The following PPP2R5C variants were observed in gnomAD, a reference collection of about 807,000 sequenced individuals.
PPP2R5C encodes the protein serine/threonine-protein phosphatase 2A 56 kDa regulatory subunit gamma isoform.
In PPP2R5C, 7 loss-of-function variants were observed where a neutral mutation model predicts 68.9. The observed-to-expected ratio is 0.10, with a 90% CI of 0.06 to 0.19. PPP2R5C has a LOEUF of 0.19. PPP2R5C is among the 10% of genes least tolerant of loss of function. The probability of loss-of-function intolerance (pLI) is 1.00; values close to 1 mark genes in which losing one functional copy is unlikely to be tolerated. For missense variants in PPP2R5C, 348 were observed against 641.3 expected (o/e 0.54, Z 4.94); for synonymous variants, 210 against 222.2 (o/e 0.95, Z 0.49).
At position 101,762,984 on chromosome 14, in the gene PPP2R5C, A is replaced by T. The variant is rs202136745; in HGVS notation, c.93+14A>T. On this transcript the variant is annotated intron_variant, in intron 2 of 14. Coordinates refer to the PPP2R5C transcript ENST00000328724. ...GTAGAATCAGAGGTAACTGTCATCA[A>T]ATATTGACTTTGTATTTTATACACA... 2 of 1,558,176 alleles carry T rather than the reference A, an allele frequency of 1.3e-6. No homozygotes were observed. Among genetic ancestry groups the T allele is most frequent in the South Asian group, 1.2e-5 (1 of 84,552 alleles).
intron 1 of PPP2R5C, among the ~76,000 whole-genome samples, chr14:101,815,960 A>G (rs924287237): frequency 9.9e-5 from 15 of 152,188 alleles, no homozygotes; most frequent in African/African-American, 2.2e-4. Flanking sequence ...ATGAGCCACC[A>G]CACCCGGCCT....
chr14:101,786,060 A>G (rs1430058162), exon 3 of PPP2R5C: 15 of 1,548,110 alleles, frequency 9.7e-6, no homozygotes, highest in Non-Finnish European at 1.3e-5. Context: ...TGTCCCGTCT[A>G]CAGTATCTGC....
At chr14:101,920,313 C>T (rs2046940534) in intron 13 of PPP2R5C, among the ~76,000 whole-genome samples, 1 of 152,216 alleles carries the variant, frequency 6.6e-6, no homozygotes, top group Non-Finnish European at 1.5e-5. Flanking sequence ...CACGTCCCCT[C>T]CTGGGAGGGT....
At chr14:101,925,248 G>C (rs555389415) in exon 14 of PPP2R5C, 9 of 1,613,468 alleles carry the variant, frequency 5.6e-6, no homozygotes, top group Admixed American at 3.3e-5. Context: ...GGGCCGATGA[G>C]CTGGCCTCCC....
chr14:101,816,339 G>A (rs893701853), intron 1 of PPP2R5C, among the ~76,000 whole-genome samples: 6 of 152,144 alleles, frequency 3.9e-5, no homozygotes, highest in South Asian at 2.1e-4. Flanking sequence ...TTGGAAAGAC[G>A]CTGGCTAAAA....
chr14:101,925,208 A>G, exon 14 of PPP2R5C: 10 of 1,613,954 alleles, frequency 6.2e-6, no homozygotes, highest in Non-Finnish European at 8.5e-6. Context: ...CAGGACCCCC[A>G]CACCAAGAAA....
In PPP2R5C at chr14:101,777,432, C is replaced by T. The variant is rs150827195; in HGVS notation, c.94-8586C>T. Among the ~76,000 whole-genome samples, 956 of 152,168 alleles carry T rather than the reference C, an allele frequency of 6.3e-3. 23 individuals carry two copies. Among genetic ancestry groups the T allele is most frequent in the Admixed American group, 0.05 (763 of 15,286 alleles). Reference sequence around the variant, plus strand: ...TGGCGCCATCTCAGCTCACTGCAACCTCTAACTCCTGGGTTCAAGCGATTC... The same window carrying T: ...TGGCGCCATCTCAGCTCACTGCAACTTCTAACTCCTGGGTTCAAGCGATTC... On this transcript the variant is annotated intron_variant, in intron 2 of 14. Transcript: ENST00000328724.
chr14:101,863,758 C>T (rs542572830), intron 2 of PPP2R5C, among the ~76,000 whole-genome samples: 2 of 152,018 alleles, frequency 1.3e-5, no homozygotes, highest in Admixed American at 6.5e-5. Flanking sequence ...ATTAGCTGGG[C>T]GTGGTGGCAG....
In PPP2R5C at chr14:101,915,641, G is replaced by A. The variant is rs918293040; in HGVS notation, c.1327-2190G>A. Among the ~76,000 whole-genome samples, 4 of 152,180 alleles carry A rather than the reference G, an allele frequency of 2.6e-5. No homozygotes were observed. The highest frequency in any genetic ancestry group is 9.7e-5 in the African/African-American group (4 of 41,448). On this transcript the variant is annotated intron_variant, in intron 12 of 13. Coordinates refer to ENST00000334743, the Ensembl canonical transcript of PPP2R5C. This position sits in a 1 kb window ranked among gnomAD's most constrained non-coding sequence, Gnocchi z 4.2. ...TCTCAGGAGTCTTGCAGCCACTTAG[G>A]TTTCTGTATCTCCCACCTGACTGTG...
At chr14:101,775,852 AG>A (rs1857776581) in intron 2 of PPP2R5C, among the ~76,000 whole-genome samples, 2 of 149,712 alleles carry the variant, frequency 1.3e-5, no homozygotes, top group Non-Finnish European at 3.0e-5. Flanking sequence ...TCCTTCCCCC[AG>A]CCAGAGACTC....
rs2044038649 is a variant in PPP2R5C, at chr14:101,879,784, C to T, written c.295-2377C>T. 6.6e-6 allele frequency among the ~76,000 whole-genome samples: 1 copy of T among 152,250 alleles called. No individual in the cohort carries two copies. The highest frequency in any genetic ancestry group is 6.5e-5 in the Admixed American group (1 of 15,286). ...GAAACCCCAGTTCACGAATGCCACACTCCCCGTAGGAGCTAAAGACTCAAT... is the reference window on the plus strand; with the variant it reads ...GAAACCCCAGTTCACGAATGCCACATTCCCCGTAGGAGCTAAAGACTCAAT... On this transcript the variant is annotated intron_variant, in intron 2 of 13. Coordinates refer to ENST00000334743, the Ensembl canonical transcript of PPP2R5C. The surrounding 1 kb of genome is among the most constrained non-coding windows in gnomAD (Gnocchi z 4.2).
chr14:101,764,030 G>GTGTGTGTGTGTGTGTGTGTGTGTGT (rs1462659583), intron 2 of PPP2R5C, among the ~76,000 whole-genome samples: 84 of 146,242 alleles, frequency 5.7e-4, no homozygotes, highest in African/African-American at 2.1e-3. Context: ...TGTGTGTGTG[G>GTGTGTGTGTGTGTGTGTGTGTGTGT]GCGCGCGCAC....
rs1442807288 is a variant in PPP2R5C at position 101,781,821 on chromosome 14, C to T, written c.94-4197C>T. 6.6e-6 allele frequency among the ~76,000 whole-genome samples: 1 copy of T among 151,974 alleles called. No individual in the cohort carries two copies. The highest frequency in any genetic ancestry group is 1.5e-5 in the Non-Finnish European group (1 of 67,904). ...GAACCGCGCTCTCCCGTTTCCTTTC[C>T]GTCCCGTCTCGGGGGCTTCATCCTC... On this transcript the variant is annotated intron_variant, in intron 2 of 14. Transcript: ENST00000328724. The surrounding 1 kb of genome is among the most constrained non-coding windows in gnomAD (Gnocchi z 6.4).
chr14:101,769,174 C>G (rs114642322), intron 2 of PPP2R5C, among the ~76,000 whole-genome samples: 2 of 152,210 alleles, frequency 1.3e-5, no homozygotes, highest in African/African-American at 4.8e-5. Flanking sequence ...GAAACTTCAG[C>G]GAAGCTGTTT....
chr14:101,867,496 G>A (rs562290838), intron 2 of PPP2R5C, among the ~76,000 whole-genome samples: 3 of 151,970 alleles, frequency 2.0e-5, no homozygotes, highest in East Asian at 1.9e-4. Context: ...AAAAACAAGC[G>A]GCCAGGCGCG....
rs371828970 is a variant in PPP2R5C, at chr14:101,906,579, C to T, written c.1151+50C>T. 31 of 1,535,212 alleles carry T rather than the reference C, an allele frequency of 2.0e-5. No individual in the cohort carries two copies. In the African/African-American group the frequency reaches 2.5e-4, roughly 12 times the overall value. On this transcript the variant is annotated intron_variant, in intron 10 of 13. Transcript: ENST00000334743. This position sits in a 1 kb window ranked among gnomAD's most constrained non-coding sequence, Gnocchi z 4.0. ...TTTTCAGTCATTTTAAAATATGGCACGTTTTACTGCTACTTCAGTAAGAAT... is the reference window on the plus strand; with the variant it reads ...TTTTCAGTCATTTTAAAATATGGCATGTTTTACTGCTACTTCAGTAAGAAT...
intron 3 of PPP2R5C, among the ~76,000 whole-genome samples, chr14:101,786,448 C>A (rs1235491004): frequency 6.6e-6 from 1 of 151,800 alleles, no homozygotes; most frequent in Admixed American, 6.6e-5. Context: ...AGCTGAACAT[C>A]TTTTTATTTA....
At chr14:101,874,738 G>A (rs2043644578) in intron 2 of PPP2R5C, among the ~76,000 whole-genome samples, 1 of 151,802 alleles carries the variant, frequency 6.6e-6, no homozygotes, top group Admixed American at 6.6e-5. Context: ...TTTGTAAGTT[G>A]TTTGTTTTTT....
At chr14:101,788,437 G>A (rs1006580463) in intron 3 of PPP2R5C, among the ~76,000 whole-genome samples, 1 of 152,228 alleles carries the variant, frequency 6.6e-6, no homozygotes, top group Non-Finnish European at 1.5e-5. Context: ...GCAAGTACCG[G>A]TGTGTGCCGG....
Sources: allele counts gnomAD v4.1 joint callset (sites outside exome capture counted in the v4.1 genomes callset), GRCh38; gene constraint gnomAD v4.1.1; non-coding constraint Gnocchi (gnomAD v3.1); transcripts MANE v1.5; gene names NCBI Gene and HGNC (gene_info 2026-07-23, HGNC 2026-07-21).